P3H2: variants seen among roughly 807,000 people sequenced by gnomAD.
P3H2 encodes leprecan-like 1.
In P3H2, 80 loss-of-function variants were observed where a neutral mutation model predicts 87.0. That is an observed-to-expected ratio of 0.92 (90% confidence interval 0.77 to 1.11). The LOEUF (loss-of-function observed/expected upper bound fraction) is 1.11. P3H2 is among the 50% of genes least tolerant of loss of function. The pLI, the probability that P3H2 is intolerant of heterozygous loss-of-function variation, is 0.00. For synonymous variants in P3H2, 367 were observed against 359.3 expected (o/e 1.02, Z -0.24); for missense variants, 1,001 against 923.9 (o/e 1.08, Z -1.08).
chr3:190,039,290 C>T (rs142984331), intron 1 of P3H2, among the ~76,000 whole-genome samples: 121 of 152,050 alleles, frequency 8.0e-4, no homozygotes, highest in African/African-American at 2.6e-3. Flanking sequence ...ATCCCCCAAA[C>T]GCAACTACCA....
chr3:189,976,896 A>G (rs760302660), intron 8 of P3H2, among the ~76,000 whole-genome samples: 15 of 152,204 alleles, frequency 9.9e-5, no homozygotes, highest in Admixed American at 6.5e-4. Context: ...ATGCTTTTCT[A>G]CAATTCACTA....
In P3H2 at chr3:190,008,391, T is replaced by C. The variant is rs535087995; in HGVS notation, c.481-12949A>G. On this transcript the variant is annotated intron_variant, in intron 1 of 14. Transcript: ENST00000319332. ...TCCATGCCACCCAGAATAACGCAAATTAAAGTTGCAAAGTGACTGCTAGTA... is the reference window on the plus strand; with the variant it reads ...TCCATGCCACCCAGAATAACGCAAACTAAAGTTGCAAAGTGACTGCTAGTA... 2.7e-4 allele frequency among the ~76,000 whole-genome samples: 41 copies of C among 152,036 alleles called. 1 individual carries two copies. In the South Asian group the frequency reaches 8.5e-3, roughly 32 times the overall value.
At chr3:190,085,153 A>G (rs1727170969) in intron 1 of P3H2, among the ~76,000 whole-genome samples, 1 of 152,158 alleles carries the variant, frequency 6.6e-6, no homozygotes, top group Non-Finnish European at 1.5e-5. Context: ...ACCAAAGCAC[A>G]GAGAAAAATC....
chr3:190,105,498 T>G (rs710590), intron 1 of P3H2, among the ~76,000 whole-genome samples: 84,107 of 151,974 alleles, frequency 0.55, 26,441 homozygotes, highest in African/African-American at 0.87. Context: ...TCTTGAACAT[T>G]GCCTAGTTTA....
intron 1 of P3H2, among the ~76,000 whole-genome samples, chr3:190,039,409 C>T (rs903043269): frequency 1.3e-5 from 2 of 152,158 alleles, no homozygotes; most frequent in African/African-American, 4.8e-5. Flanking sequence ...TTTAATGCAT[C>T]TAATTCTGAT....
chr3:190,106,929 G>A (rs900244071), intron 1 of P3H2, among the ~76,000 whole-genome samples: 6 of 152,070 alleles, frequency 3.9e-5, no homozygotes, highest in African/African-American at 1.2e-4. Context: ...GCATAATACC[G>A]GGTACACAGT....
At chr3:190,058,701 C>T (rs1419592791) in intron 1 of P3H2, among the ~76,000 whole-genome samples, 1 of 152,106 alleles carries the variant, frequency 6.6e-6, no homozygotes, top group Non-Finnish European at 1.5e-5. Context: ...AGGATGTAAA[C>T]CAGTCAGCAA....
In P3H2 at chr3:189,966,079, A is replaced by G. The variant is rs1040304907; in HGVS notation, c.1894-1981T>C. ...AAGAAAGAAAGAGAAAGAAGGAAAG[A>G]AAGGAAGAAAGAAAGAAAGAAAGAA... On this transcript the variant is annotated intron_variant, in intron 13 of 14. Coordinates refer to ENST00000319332, the MANE Select transcript of P3H2 (RefSeq NM_018192.4). Among the ~76,000 whole-genome samples the G allele has an allele frequency of 8.6e-4, 114 of 133,018 alleles. 1 individual carries two copies. Among genetic ancestry groups the G allele is most frequent in the African/African-American group, 3.2e-3 (105 of 33,198 alleles). 87.3% of individuals were successfully genotyped at this position (133,018 alleles called of 152,430 possible). A position where few individuals can be genotyped will look rare whatever the true frequency, so the allele number is the denominator to read the frequency against.
chr3:189,988,956 C>G lies in P3H2; in HGVS notation c.906G>C (p.Glu302Asp). 1 of 1,614,114 alleles carries G rather than the reference C, an allele frequency of 6.2e-7. No individual in the cohort carries two copies. The highest frequency in any genetic ancestry group is 1.1e-5 in the South Asian group (1 of 91,074). Residue 302 changes from glutamate (E) to aspartate (D), a missense_variant, in exon 4 of 15, where the codon GAG becomes GAC. Physicochemically the swap from Glu to Asp is conservative, Grantham distance 45. Coordinates refer to ENST00000319332, the MANE Select transcript of P3H2 (RefSeq NM_018192.4). Reference protein sequence around the residue: ...ATRPGRLSPIENFLPLHYDYL... With the variant: ...ATRPGRLSPIDNFLPLHYDYL... ...AATCATAGTGCAGAGGAAGAAAATT[C>G]TCGATGGGAGAGAGGCGGCCAGGGC...
At chr3:190,111,010 G>A (rs1170937732) in intron 1 of P3H2, among the ~76,000 whole-genome samples, 2 of 152,146 alleles carry the variant, frequency 1.3e-5, no homozygotes, top group African/African-American at 2.4e-5. Context: ...TGATAGCCCT[G>A]CACTTCTAGA....
intron 11 of P3H2, among the ~76,000 whole-genome samples, chr3:189,972,614 T>G (rs1723210139): frequency 6.6e-6 from 1 of 152,016 alleles, no homozygotes; most frequent in Non-Finnish European, 1.5e-5. Context: ...AGAAAAGCAT[T>G]TTTTTTTCCC....
chr3:189,984,787 G>T (rs2108917136), intron 6 of P3H2, among the ~76,000 whole-genome samples, 197 bp from the exon 7 acceptor site: 1 of 152,152 alleles, frequency 6.6e-6, no homozygotes, highest in Non-Finnish European at 1.5e-5. Context: ...TGGAGATTTG[G>T]CAAGGAAAAA....
intron 1 of P3H2, among the ~76,000 whole-genome samples, chr3:190,086,395 T>TC (rs1244270217): frequency 1.3e-5 from 2 of 152,160 alleles, no homozygotes; most frequent in African/African-American, 4.8e-5. Flanking sequence ...TCTGAGTGTT[T>TC]CCCGGGGGTA....
chr3:190,030,872 A>T (rs1725231295), intron 1 of P3H2, among the ~76,000 whole-genome samples: 1 of 152,194 alleles, frequency 6.6e-6, no homozygotes, highest in African/African-American at 2.4e-5. Context: ...AAATCAATAA[A>T]TGATGTTAGA....
intron 8 of P3H2, among the ~76,000 whole-genome samples, chr3:189,976,285 T>C (rs1312773206): frequency 6.6e-6 from 1 of 152,192 alleles, no homozygotes; most frequent in South Asian, 2.1e-4. Context: ...AATAAACACA[T>C]ACCTGAGACT....
chr3:190,119,792 C>A (rs1405274166), intron 1 of P3H2, among the ~76,000 whole-genome samples: 2 of 152,028 alleles, frequency 1.3e-5, no homozygotes, highest in Non-Finnish European at 2.9e-5. Flanking sequence ...TTTGAAGATT[C>A]TTTTAAACTT....
chr3:190,092,676 G>A (rs1727445849), intron 1 of P3H2, among the ~76,000 whole-genome samples: 1 of 152,164 alleles, frequency 6.6e-6, no homozygotes, highest in African/African-American at 2.4e-5. Flanking sequence ...TTACTGGTAT[G>A]TGCCCTTTTA....
intron 1 of P3H2, among the ~76,000 whole-genome samples, chr3:190,000,646 G>T (rs938907073): frequency 6.6e-6 from 1 of 152,192 alleles, no homozygotes; most frequent in Non-Finnish European, 1.5e-5. Flanking sequence ...AGCCAGGCAT[G>T]AACCGAACAA....
intron 13 of P3H2, among the ~76,000 whole-genome samples, chr3:189,966,141 AAGAAAGAAAGAAAGAAAGAAAG>A (rs1560339106): frequency 1.5e-5 from 2 of 131,216 alleles, no homozygotes; most frequent in South Asian, 2.5e-4. Flanking sequence ...GAAAGAAAGA[AAGAAAGAAAGAAAGAAAGAAAG>A]AAAGAAAGAA....
Sources: gnomAD v4.1 joint callset for allele counts (sites outside exome capture counted in the v4.1 genomes callset) on GRCh38, gnomAD v4.1.1 for gene constraint, MANE v1.5 for transcripts, NCBI Gene and HGNC (gene_info 2026-07-23, HGNC 2026-07-21) for gene names.